The following PLIN3 variants were observed in gnomAD, a reference collection of about 807,000 sequenced individuals.
PLIN3 encodes perilipin 3, also known as perilipin-3.
PLIN3 carries 30 observed loss-of-function variants against 35.9 expected under a neutral mutation model. That is an observed-to-expected ratio of 0.84 (90% CI 0.62 to 1.13). The LOEUF (loss-of-function observed/expected upper bound fraction) is 1.13. Among genes scored for constraint, PLIN3 ranks in the 50% most tolerant of loss-of-function variants. PLIN3 has a pLI of 0.00. For synonymous variants in PLIN3, 261 were observed against 262.5 expected, an observed-to-expected ratio of 0.99 and a Z score of 0.06; for missense variants, 603 against 596.9, an observed-to-expected ratio of 1.01 and a Z score of -0.11.
intron 4 of PLIN3, among the ~76,000 whole-genome samples, chr19:4,854,275 G>A (rs1030426219): frequency 4.6e-5 from 7 of 152,068 alleles, no homozygotes; most frequent in African/African-American, 9.7e-5. Context: ...AGGGCTCTCC[G>A]CAAAGTTGAA....
intron 4 of PLIN3, among the ~76,000 whole-genome samples, chr19:4,858,709 T>TTTTG (rs1490769046): frequency 2.8e-5 from 4 of 142,144 alleles, no homozygotes; most frequent in Non-Finnish European, 6.1e-5. Context: ...TGGTTTTTTT[T>TTTTG]TTTTTTTTTG....
intron 5 of PLIN3, 46 bp downstream of exon 5, chr19:4,851,969 AG>A: frequency 6.3e-7 from 1 of 1,578,196 alleles, no homozygotes; most frequent in South Asian, 1.1e-5. Flanking sequence ...GCTTCCGGTC[AG>A]GGGGCCTGGG....
At chr19:4,845,254 C>T (rs1350729477) in intron 6 of PLIN3, among the ~76,000 whole-genome samples, 2 of 151,852 alleles carry the variant, frequency 1.3e-5, no homozygotes, top group African/African-American at 2.4e-5. Context: ...GGTGAAACCC[C>T]GTCTCTACTA....
Position 4,859,821 on chromosome 19 carries a change from C to A in PLIN3, c.265+5G>T. On this transcript the variant is annotated splice_donor_5th_base_variant and intron_variant, in intron 3 of 7. Coordinates refer to ENST00000221957, the MANE Select transcript of PLIN3 (RefSeq NM_005817.5). ...GAATTCAGTGCCCCCTGGGACTTCACCCACTCTGGGGCTCCAGCTTGGAGA... is the reference window on the plus strand; with the variant it reads ...GAATTCAGTGCCCCCTGGGACTTCAACCACTCTGGGGCTCCAGCTTGGAGA... 1.2e-6 allele frequency: 2 copies of A among 1,613,156 alleles called. No homozygotes were observed. The highest frequency in any genetic ancestry group is 2.2e-5 in the East Asian group (1 of 44,878).
At chr19:4,845,902 G>A (rs1383602075) in intron 6 of PLIN3, among the ~76,000 whole-genome samples, 10 of 142,000 alleles carry the variant, frequency 7.0e-5, no homozygotes, top group African/African-American at 2.6e-4. Context: ...CTCCAGCCTG[G>A]GTGACAGAGC....
At position 4,859,991 on chromosome 19, in the gene PLIN3, G is replaced by C. The variant is rs751798001; in HGVS notation, c.100C>G (p.Leu34Val). 2 of 1,614,110 alleles carry C rather than the reference G, an allele frequency of 1.2e-6. No individual in the cohort carries two copies. Among genetic ancestry groups the C allele is most frequent in the Admixed American group, 3.3e-5 (2 of 59,994 alleles). ...ACCATGTCGCAGGTGGAGCTGATCA[G>C]AGGCATGCTGGCCACACGGTCCACC... ...SVVDRVASMP[L>V]ISSTCDMVSA... Residue 34 changes from leucine to valine, a missense_variant, in exon 3 of 8, where the codon CTG becomes GTG. Physicochemically the swap from Leu to Val is conservative, Grantham distance 32 (BLOSUM62 1). Transcript: ENST00000221957.
intron 2 of PLIN3, 71 bp downstream of exon 2, chr19:4,861,256 ACC>A: frequency 1.5e-6 from 2 of 1,354,600 alleles, no homozygotes; most frequent in Non-Finnish European, 2.1e-6. Flanking sequence ...CTGCCAGGGC[ACC>A]CTGGGGTGGG....
At position 4,864,461 on chromosome 19, in the gene PLIN3, T is replaced by TG. The variant is rs555523575; in HGVS notation, c.-17-3051_-17-3050insC. 9.5e-3 allele frequency among the ~76,000 whole-genome samples: 1,370 copies of TG among 144,120 alleles called. 10 individuals are homozygous for TG. Among genetic ancestry groups the TG allele is most frequent in the Middle Eastern group, 0.027 (8 of 292 alleles). 94.5% of individuals were successfully genotyped at this position (144,120 alleles called of 152,430 possible). ...CTGCACTCAGCCGTGGTTTGTTTTT[T>TG]TTTTTGTTGTTGTTGTTGTTTTGTT... On this transcript the variant is annotated intron_variant, in intron 1 of 7. Transcript: ENST00000221957.
chr19:4,852,342 A>C (rs984244863), intron 4 of PLIN3, 41 bp from the exon 5 acceptor site: 1 of 1,579,316 alleles, frequency 6.3e-7, no homozygotes, highest in Non-Finnish European at 8.6e-7. Flanking sequence ...CCTTCCCTCC[A>C]TATCTGGGCA....
At position 4,859,525 on chromosome 19, in the gene PLIN3, C is replaced by G. The variant is rs2146213246; in HGVS notation, c.348+65G>C. ...TCAAGCTTGTCTAGTTAAGCTGGGA[C>G]CAGCGCACTCCACACCCAGGTAGGT... On this transcript the variant is annotated intron_variant, in intron 4 of 7. Coordinates refer to ENST00000221957, the MANE Select transcript of PLIN3 (RefSeq NM_005817.5). The G allele has an allele frequency of 2.2e-6, 3 of 1,360,486 alleles. No individual in the cohort carries two copies. In the South Asian group the frequency reaches 3.5e-5, roughly 16 times the overall value. The allele number at this position is 1,360,486 out of a possible 1,614,324, so 84.3% of individuals were successfully genotyped here.
rs1440955373 is a variant in PLIN3 at position 4,856,152 on chromosome 19, C to G, written c.348+3438G>C. On this transcript the variant is annotated intron_variant, in intron 4 of 7. Transcript: ENST00000221957. Reference sequence around the variant, plus strand: ...GCGGCTGGCTTGTCCTGCCTCCAACCCAGGGATCACCTATTTCTGATGCTA... The same window carrying G: ...GCGGCTGGCTTGTCCTGCCTCCAACGCAGGGATCACCTATTTCTGATGCTA... Among the ~76,000 whole-genome samples, 4 of 152,070 alleles carry G rather than the reference C, an allele frequency of 2.6e-5. No homozygotes were observed. The South Asian group carries it at 8.3e-4, about 32-fold the overall frequency.
intron 1 of PLIN3, among the ~76,000 whole-genome samples, chr19:4,861,714 C>T (rs1341137939): frequency 1.3e-5 from 2 of 151,824 alleles, no homozygotes; most frequent in Non-Finnish European, 2.9e-5. Flanking sequence ...GGGCTCACTG[C>T]AACCTCCGCC....
chr19:4,859,713 G>T, intron 3 of PLIN3, 41 bp from the exon 4 acceptor site: 1 of 1,606,512 alleles, frequency 6.2e-7, no homozygotes, highest in Non-Finnish European at 8.5e-7. Context: ...CTGCTGGAAG[G>T]TCACCTAGTA....
chr19:4,862,393 A>G (rs196126), intron 1 of PLIN3, among the ~76,000 whole-genome samples: 83,747 of 151,634 alleles, frequency 0.55, 23,841 homozygotes, highest in Non-Finnish European at 0.61. Context: ...CGGCCTCCCA[A>G]AGTGCTGGGA....
chr19:4,853,814 A>AG (rs1568377768), intron 4 of PLIN3, among the ~76,000 whole-genome samples: 1 of 150,466 alleles, frequency 6.6e-6, no homozygotes. Flanking sequence ...CTCTGTCTCC[A>AG]AAAAAAAACA....
intron 2 of PLIN3, among the ~76,000 whole-genome samples, chr19:4,860,270 G>C (rs186881856): frequency 6.6e-6 from 1 of 151,952 alleles, no homozygotes; most frequent in Non-Finnish European, 1.5e-5. Flanking sequence ...GCACTGATGC[G>C]ATCTCAGCTC....
intron 7 of PLIN3, among the ~76,000 whole-genome samples, chr19:4,839,965 CTTTTT>C (rs1212445249): frequency 8.0e-6 from 1 of 124,414 alleles, no homozygotes. Flanking sequence ...GTGCCCGGCC[CTTTTT>C]TTTTTTTTTT....
At chr19:4,859,383 A>G (rs2030588537) in intron 4 of PLIN3, among the ~76,000 whole-genome samples, 1 of 152,202 alleles carries the variant, frequency 6.6e-6, no homozygotes, top group East Asian at 1.9e-4. Flanking sequence ...CTAGATGGGC[A>G]TGGTTGCAGG....
chr19:4,848,475 T>A (rs2030180543), intron 5 of PLIN3, among the ~76,000 whole-genome samples: 1 of 152,244 alleles, frequency 6.6e-6, no homozygotes, highest in Admixed American at 6.5e-5. Flanking sequence ...TTGGACAACC[T>A]GTGAATATAG....
Sources: gnomAD v4.1 joint callset for allele counts (sites outside exome capture counted in the v4.1 genomes callset) on GRCh38, gnomAD v4.1.1 for gene constraint, MANE v1.5 for transcripts, NCBI Gene and HGNC (gene_info 2026-07-23, HGNC 2026-07-21) for gene names.